Variants in SOS1 observed in about 807,000 individuals in gnomAD.
SOS1 encodes SOS Ras/Rac guanine nucleotide exchange factor 1.
Under a neutral mutation model 157.6 loss-of-function variants are expected in SOS1, and 25 were observed. The observed-to-expected ratio is 0.16, with a 90% CI of 0.12 to 0.22. The LOEUF is 0.22. Ranked by LOEUF, SOS1 falls within the 10% of genes least tolerant of loss-of-function variation. The pLI, the probability that SOS1 is intolerant of heterozygous loss-of-function variation, is 1.00. For synonymous variants in SOS1, 528 were observed against 534.0 expected (o/e 0.99, Z 0.16); for missense variants, 1,237 against 1,599.1 (o/e 0.77, Z 3.86).
intron 14 of SOS1, 96 bp downstream of exon 14, chr2:39,012,028 TAA>T: frequency 3.3e-6 from 3 of 901,760 alleles, no homozygotes; most frequent in Non-Finnish European, 5.5e-6. Context: ...ATATTTCAGT[TAA>T]GTCTTATGAA....
intron 1 of SOS1, among the ~76,000 whole-genome samples, chr2:39,097,250 T>A (rs1225817731): frequency 6.6e-6 from 1 of 152,178 alleles, no homozygotes; most frequent in Non-Finnish European, 1.5e-5. Flanking sequence ...ATATGCAAAT[T>A]GAAGAGATGC....
upstream of SOS1, among the ~76,000 whole-genome samples, chr2:39,123,885 T>C (rs1673982742): frequency 6.6e-6 from 1 of 152,210 alleles, no homozygotes; most frequent in South Asian, 2.1e-4. Context: ...AGGTTGGGCA[T>C]GTTGACCTCT....
intron 1 of SOS1, among the ~76,000 whole-genome samples, chr2:39,096,017 G>C (rs1161766503): frequency 1.3e-5 from 2 of 152,124 alleles, no homozygotes; most frequent in African/African-American, 4.8e-5. Flanking sequence ...TCCTATAAAA[G>C]AAACAACACA....
At chr2:38,989,438 T>A in intron 20 of SOS1, 124 bp from the exon 21 acceptor site, 1 of 691,268 alleles carries the variant, frequency 1.4e-6, no homozygotes. Context: ...GCTGTAACAG[T>A]TTATAGTAAA....
chr2:39,051,077 ACT>A lies in SOS1; in HGVS notation c.864+65_864+66del, dbSNP rs1670999304. On this transcript the variant is annotated intron_variant, in intron 6 of 22. Transcript: ENST00000402219. ...ATGACTTTAGCTGGAAAGAAGTAAG[ACT>A]CTCAATTTTAATGTAAATGTAGGCT... The A allele has an allele frequency of 2.9e-6, 4 of 1,395,274 alleles. No individual in the cohort carries two copies. In the Admixed American group the frequency reaches 5.0e-5, roughly 18 times the overall value. The allele number at this position is 1,395,274 out of a possible 1,614,324, so 86.4% of individuals were successfully genotyped here. A position where few individuals can be genotyped will look rare whatever the true frequency, so the allele number is the denominator to read the frequency against.
At chr2:39,071,554 A>G (rs1204727303) in intron 1 of SOS1, among the ~76,000 whole-genome samples, 8 of 152,228 alleles carry the variant, frequency 5.3e-5, no homozygotes, top group Admixed American at 5.2e-4. Flanking sequence ...TAAATCTCAA[A>G]TGTTAGAGAA....
At chr2:39,097,559 CTT>C (rs141309255) in intron 1 of SOS1, among the ~76,000 whole-genome samples, 7 of 143,668 alleles carry the variant, frequency 4.9e-5, no homozygotes, top group Non-Finnish European at 7.7e-5. Flanking sequence ...TCTTTTTTTT[CTT>C]TTTTTTTTTT....
upstream of SOS1, among the ~76,000 whole-genome samples, chr2:39,123,750 T>C (rs1435861417): frequency 3.9e-5 from 6 of 152,194 alleles, no homozygotes; most frequent in Non-Finnish European, 7.3e-5. Flanking sequence ...GCAATAAATA[T>C]TGTCGAAGGA....
In SOS1 at chr2:39,035,257, A is replaced by C. The variant is rs760704434; in HGVS notation, c.1029T>G (p.Leu343=). The change falls in exon 8 of 23, where the codon CTT becomes CTG. Residue 343 remains leucine, a synonymous_variant. Coordinates refer to ENST00000402219, the MANE Select transcript of SOS1 (RefSeq NM_005633.4). ...GGAGACAGTGGTAAACAGGGGCCAG[A>C]AGCAGCCTGGGTAAAACATATTGAA... ...EAVQYVLPRL[L]LAPVYHCLHY... is the part of the protein sequence containing the mutation. 2 of 1,614,004 alleles carry C rather than the reference A, an allele frequency of 1.2e-6. No individual in the cohort carries two copies. The highest frequency in any genetic ancestry group is 2.2e-5 in the South Asian group (2 of 91,080).
chr2:39,054,841 T>A lies in SOS1; in HGVS notation c.511-18A>T. The stretch of plus-strand genomic sequence containing the variant: ...ATCAATACCTATACAGTCAGAGATA[T>A]AAAAAAGTATAATAAAATATGAAGC... On this transcript the variant is annotated intron_variant, in intron 4 of 22. Transcript: ENST00000402219. 1 of 1,156,178 alleles carries A rather than the reference T, an allele frequency of 8.6e-7. No homozygotes were observed. The highest frequency in any genetic ancestry group is 1.5e-5 in the African/African-American group (1 of 65,828). The allele number at this position is 1,156,178 out of a possible 1,614,324, so 71.6% of individuals were successfully genotyped here.
intron 20 of SOS1, chr2:38,992,277 G>A (rs1180950181): frequency 6.6e-6 from 1 of 152,104 alleles, no homozygotes; most frequent in East Asian, 1.9e-4. Flanking sequence ...AGAACACATG[G>A]ATGGCTTTAT....
At chr2:39,047,199 C>G (rs1670821856) in intron 6 of SOS1, among the ~76,000 whole-genome samples, 1 of 152,100 alleles carries the variant, frequency 6.6e-6, no homozygotes. Flanking sequence ...TACTTTGAGT[C>G]TTATTATACT....
intron 14 of SOS1, among the ~76,000 whole-genome samples, chr2:39,010,972 T>C (rs1321879340): frequency 6.6e-6 from 1 of 151,204 alleles, no homozygotes; most frequent in Non-Finnish European, 1.5e-5. Flanking sequence ...CTTGGCTCAC[T>C]GCAACCTCCG....
intron 17 of SOS1, among the ~76,000 whole-genome samples, chr2:39,001,203 C>T (rs765123172): frequency 2.0e-5 from 3 of 152,162 alleles, no homozygotes; most frequent in African/African-American, 4.8e-5. Context: ...GCTGGGACTA[C>T]AGGAATGCAC....
rs1213376119 is a variant in SOS1, at chr2:38,981,960, TTA to T, written c.*3862_*3863del. The T allele has an allele frequency of 1.3e-5, 2 of 152,038 alleles. No homozygotes were observed. Among genetic ancestry groups the T allele is most frequent in the Admixed American group, 6.6e-5 (1 of 15,244 alleles). 9.4% of individuals were successfully genotyped at this position (152,038 alleles called of 1,614,324 possible). ...TGCTGACTTGATCTGAAGAAAAAAA[TTA>T]GAGATGTTCTTAATTAAAGGCACAT... On this transcript the variant is annotated 3_prime_UTR_variant, in exon 23 of 23. Transcript: ENST00000402219.
chr2:39,117,309 G>A (rs188855140), intron 1 of SOS1, among the ~76,000 whole-genome samples: 2 of 152,282 alleles, frequency 1.3e-5, no homozygotes, highest in East Asian at 1.9e-4. Flanking sequence ...TTACAGGCGT[G>A]AGCCACTGCG....
At chr2:39,067,530 C>G (rs1165410939) in intron 2 of SOS1, 98 bp downstream of exon 2, 5 of 1,062,432 alleles carry the variant, frequency 4.7e-6, no homozygotes, top group Non-Finnish European at 7.4e-6. Flanking sequence ...TCTTATATAC[C>G]ATATATATAG....
intron 21 of SOS1, 45 bp from the exon 22 acceptor site, chr2:38,987,636 T>C (rs1668596103): frequency 1.1e-6 from 1 of 905,092 alleles, no homozygotes; most frequent in Non-Finnish European, 1.8e-6. Flanking sequence ...AGGAATTTTA[T>C]TTCATTTATT....
intron 14 of SOS1, 53 bp downstream of exon 14, chr2:39,012,073 T>C (rs1669489780): frequency 1.6e-6 from 2 of 1,282,942 alleles, no homozygotes; most frequent in Non-Finnish European, 2.3e-6. Flanking sequence ...TATTTCATTT[T>C]AAAAGTTAAC....
Sources: gnomAD v4.1 joint callset for allele counts (sites outside exome capture counted in the v4.1 genomes callset) on GRCh38, gnomAD v4.1.1 for gene constraint, MANE v1.5 for transcripts, NCBI Gene and HGNC (gene_info 2026-07-23, HGNC 2026-07-21) for gene names.